Variants in GRIK2 observed in about 807,000 individuals in gnomAD.
GRIK2 encodes the protein glutamate ionotropic receptor kainate type subunit 2.
Under a neutral mutation model 100.3 loss-of-function variants are expected in GRIK2, and 32 were observed. The ratio of observed to expected loss-of-function variants is 0.32; its 90% CI spans 0.24 to 0.43. The LOEUF is 0.43. Ranked by LOEUF, GRIK2 falls within the 20% of genes least tolerant of loss-of-function variation. GRIK2 has a pLI of 1.00. For synonymous variants in GRIK2, 417 were observed against 389.4 expected (o/e 1.07, Z -0.83); for missense variants, 843 against 1,114.9 (o/e 0.76, Z 3.47).
chr6:101,989,557 GTTAA>G, intron 14 of GRIK2, among the ~76,000 whole-genome samples: 1 of 118,876 alleles, frequency 8.4e-6, no homozygotes, highest in Non-Finnish European at 1.9e-5. Context: ...AAATTAGTTA[GTTAA>G]TTAGCTTGGG....
At chr6:102,061,838 G>T (rs1165540490) in intron 16 of GRIK2, among the ~76,000 whole-genome samples, 13 of 150,208 alleles carry the variant, frequency 8.7e-5, no homozygotes. Flanking sequence ...TATTTGTAAA[G>T]CTGATACATT....
chr6:101,478,300 T>A (rs969755074), intron 2 of GRIK2, among the ~76,000 whole-genome samples: 1 of 152,070 alleles, frequency 6.6e-6, no homozygotes, highest in Admixed American at 6.6e-5. Flanking sequence ...AATAACACTT[T>A]ATTGTTAGAT....
intron 9 of GRIK2, among the ~76,000 whole-genome samples, chr6:101,817,185 T>A (rs1316254024): frequency 6.6e-6 from 1 of 152,120 alleles, no homozygotes; most frequent in Non-Finnish European, 1.5e-5. Flanking sequence ...ACTTTTTCCT[T>A]CCTAACACCA....
chr6:101,820,877 G>A (rs1473127547), intron 10 of GRIK2, among the ~76,000 whole-genome samples: 3 of 152,066 alleles, frequency 2.0e-5, no homozygotes, highest in South Asian at 2.1e-4. Flanking sequence ...GAGGAAGTTT[G>A]TATACTTTAT....
At chr6:101,691,455 GC>G (rs1414331753) in intron 7 of GRIK2, among the ~76,000 whole-genome samples, 3 of 151,678 alleles carry the variant, frequency 2.0e-5, no homozygotes, top group Admixed American at 2.0e-4. Flanking sequence ...ACACCACCAC[GC>G]CTGGCTAATT....
intron 2 of GRIK2, among the ~76,000 whole-genome samples, chr6:101,436,701 A>G (rs1281837761): frequency 6.6e-6 from 1 of 151,856 alleles, no homozygotes; most frequent in Non-Finnish European, 1.5e-5. Flanking sequence ...CTAAATCACC[A>G]GATTTAAGAT....
At chr6:101,790,697 G>C (rs376612781) in intron 7 of GRIK2, among the ~76,000 whole-genome samples, 2,877 of 150,292 alleles carry the variant, frequency 0.019, 20 homozygotes, top group African/African-American at 0.034. Context: ...GCCCGGCTTT[G>C]GTATCAGGAT....
chr6:101,951,379 C>T (rs990237882), intron 14 of GRIK2, among the ~76,000 whole-genome samples: 1 of 152,140 alleles, frequency 6.6e-6, no homozygotes, highest in Non-Finnish European at 1.5e-5. Flanking sequence ...TTTCTAGACA[C>T]TGCCAATAGT....
At chr6:101,901,449 T>G (rs975842428) in intron 12 of GRIK2, among the ~76,000 whole-genome samples, 1 of 151,812 alleles carries the variant, frequency 6.6e-6, no homozygotes, top group African/African-American at 2.4e-5. Flanking sequence ...ATGACTTTTC[T>G]TCAGAAATCT....
At chr6:101,724,647 A>G (rs1174076340) in intron 7 of GRIK2, among the ~76,000 whole-genome samples, 3 of 151,956 alleles carry the variant, frequency 2.0e-5, no homozygotes, top group African/African-American at 7.2e-5. Context: ...GATTTATGGG[A>G]TTCATCAACT....
At chr6:101,816,835 C>T (rs758568326) in intron 9 of GRIK2, among the ~76,000 whole-genome samples, 4 of 152,136 alleles carry the variant, frequency 2.6e-5, no homozygotes, top group East Asian at 1.9e-4. Flanking sequence ...GGTGCCTTAC[C>T]GGAAACTCAA....
intron 3 of GRIK2, among the ~76,000 whole-genome samples, chr6:101,623,831 T>A (rs1430235500): frequency 6.6e-6 from 1 of 152,130 alleles, no homozygotes; most frequent in Non-Finnish European, 1.5e-5. Flanking sequence ...AATGTCATGG[T>A]TTGGATTTTA....
Position 101,928,479 on chromosome 6 carries a change from A to T in GRIK2, c.1932A>T (p.Thr644=). The stretch of plus-strand genomic sequence containing the variant: ...TGGGAGGCATTTGGTGGTTTTTCAC[A>T]CTTATCATCATTTCTTCGTATACTG... ...RIVGGIWWFF[T]LIIISSYTAN... is the part of the protein sequence containing the mutation. Residue 644 remains threonine, a synonymous_variant, in exon 14 of 17, where the codon ACA becomes ACT. Coordinates refer to ENST00000369134, the MANE Select transcript of GRIK2 (RefSeq NM_021956.5). 6.2e-7 allele frequency: 1 copy of T among 1,610,032 alleles called. No homozygotes were observed. Among genetic ancestry groups the T allele is most frequent in the Non-Finnish European group, 8.5e-7 (1 of 1,176,402 alleles).
intron 6 of GRIK2, among the ~76,000 whole-genome samples, chr6:101,685,486 G>A (rs913438329): frequency 3.9e-5 from 6 of 152,214 alleles, no homozygotes; most frequent in South Asian, 2.1e-4. Flanking sequence ...TTTCATGGTG[G>A]CATCCATTTC....
chr6:101,754,975 C>A, intron 7 of GRIK2, among the ~76,000 whole-genome samples: 1 of 152,200 alleles, frequency 6.6e-6, no homozygotes, highest in South Asian at 2.1e-4. Flanking sequence ...TTGATCCTTT[C>A]AGCGATGTAG....
At chr6:101,889,066 A>T (rs1363183986) in intron 11 of GRIK2, among the ~76,000 whole-genome samples, 3 of 152,254 alleles carry the variant, frequency 2.0e-5, no homozygotes, top group Middle Eastern at 3.4e-3. Context: ...AAAACAAATT[A>T]GAGGGATAGA....
intron 3 of GRIK2, among the ~76,000 whole-genome samples, chr6:101,622,569 A>G (rs1780217244): frequency 1.3e-5 from 2 of 152,024 alleles, no homozygotes; most frequent in African/African-American, 4.8e-5. Context: ...CATATATTGA[A>G]ACTTAATTGG....
At chr6:102,002,307 T>C (rs1794984140) in intron 14 of GRIK2, among the ~76,000 whole-genome samples, 3 of 148,314 alleles carry the variant, frequency 2.0e-5, no homozygotes, top group Admixed American at 1.4e-4. Context: ...TGTGTGTGTA[T>C]ATATATACAT....
intron 4 of GRIK2, among the ~76,000 whole-genome samples, chr6:101,632,282 C>A (rs1027332597): frequency 2.0e-5 from 3 of 152,078 alleles, no homozygotes; most frequent in African/African-American, 7.2e-5. Flanking sequence ...CTCTGAATGG[C>A]TTTTCTTGGG....
Sources: allele counts gnomAD v4.1 joint callset (sites outside exome capture counted in the v4.1 genomes callset), GRCh38; gene constraint gnomAD v4.1.1; transcripts MANE v1.5; gene names NCBI Gene and HGNC (gene_info 2026-07-23, HGNC 2026-07-21).